Variants in TCP11 observed in about 807,000 individuals in gnomAD.
The protein encoded by TCP11 is t-complex 11.
TCP11 carries 34 observed loss-of-function variants against 45.0 expected under a neutral mutation model. The ratio of observed to expected loss-of-function variants is 0.76; its 90% CI spans 0.57 to 1.01. The LOEUF (loss-of-function observed/expected upper bound fraction) is 1.01, where lower values mean the gene tolerates loss of function less well. Among genes scored for constraint, TCP11 ranks in the 50% least tolerant of loss-of-function variants. The pLI is 0.00. For missense variants in TCP11, 523 were observed against 598.1 expected (o/e 0.87, Z 1.31); for synonymous variants, 227 against 227.0 (o/e 1.00, Z 0.00).
At position 35,120,365 on chromosome 6, in the gene TCP11, G is replaced by T; in HGVS notation, c.934-25C>A. The T allele has an allele frequency of 6.2e-7, 1 of 1,604,620 alleles. No homozygotes were observed. Among genetic ancestry groups the T allele is most frequent in the Non-Finnish European group, 8.5e-7 (1 of 1,173,942 alleles). ...TCTGGGAACCAGGGAAGAACAGGCT[G>T]TCAGGGGAAGTCCCGATGGAAGCCC... On this transcript the variant is annotated intron_variant, in intron 7 of 9. Transcript: ENST00000311875. This position sits in a 1 kb window ranked among gnomAD's most constrained non-coding sequence, Gnocchi z 4.9.
intron 4 of TCP11, 138 bp downstream of exon 4, chr6:35,128,924 T>C: frequency 8.8e-7 from 1 of 1,130,138 alleles, no homozygotes; most frequent in Non-Finnish European, 1.2e-6. Flanking sequence ...CCTGCTAAAA[T>C]TACTGTATGA....
chr6:35,141,036 G>A lies in TCP11; in HGVS notation c.-14-152C>T, dbSNP rs566275545. ...AAGGGGCAAAGGAGCGTGGAGGAGC[G>A]GAAGTCGAGAGTGGGACAGAAGTGG... On this transcript the variant is annotated intron_variant, in intron 1 of 9. Coordinates refer to ENST00000311875, the MANE Select transcript of TCP11 (RefSeq NM_001370687.1). 9.3e-5 allele frequency: 115 copies of A among 1,235,660 alleles called. 2 individuals are homozygous for A. The South Asian group carries it at 1.6e-3, about 18-fold the overall frequency. 76.5% of individuals were successfully genotyped at this position (1,235,660 alleles called of 1,614,324 possible).
Position 35,120,463 on chromosome 6 carries a change from A to G in TCP11, c.899T>C (p.Leu300Pro). 6.2e-7 allele frequency: 1 copy of G among 1,602,452 alleles called. No individual in the cohort carries two copies. Among genetic ancestry groups the G allele is most frequent in the Non-Finnish European group, 8.5e-7 (1 of 1,174,242 alleles). Residue 300 changes from leucine (L) to proline (P), a missense_variant, in exon 7 of 10, where the codon CTT becomes CCT. By Grantham distance (98) the Leu-to-Pro change is moderately conservative (BLOSUM62 -3). This residue lies in a region of TCP11 where 298 missense variants were observed against 387.9 expected (regional missense o/e 0.77). Coordinates refer to ENST00000311875, the MANE Select transcript of TCP11 (RefSeq NM_001370687.1). This position sits in a 1 kb window ranked among gnomAD's most constrained non-coding sequence, Gnocchi z 4.9. ...CTCTTCATTTTCAAGGTCCCAGAGA[A>G]GGAGGTTCAAGAAGCCCTGACACAG... The part of the protein sequence containing the change: ...MVLCQGFLNL[L>P]LWDLENEEFP...
chr6:35,127,724 G>A (rs1779990194), intron 4 of TCP11, among the ~76,000 whole-genome samples: 1 of 152,174 alleles, frequency 6.6e-6, no homozygotes, highest in Non-Finnish European at 1.5e-5. Context: ...TTGAGGAGCG[G>A]CCAGTGATGG....
intron 2 of TCP11, among the ~76,000 whole-genome samples, chr6:35,138,651 A>G (rs1417797590): frequency 6.6e-6 from 1 of 152,212 alleles, no homozygotes; most frequent in African/African-American, 2.4e-5. Context: ...CAAAAAATAG[A>G]ATGAATAAGA....
Position 35,119,390 on chromosome 6 carries a change from G to A in TCP11, c.1117C>T (p.Pro373Ser). 6.2e-7 allele frequency: 1 copy of A among 1,613,608 alleles called. No individual in the cohort carries two copies. The highest frequency in any genetic ancestry group is 2.2e-5 in the East Asian group (1 of 44,882). The change falls in exon 9 of 10, where the codon CCT (proline) becomes TCT (serine). Residue 373 changes from proline (P) to serine (S), a missense_variant and splice_region_variant. Coordinates refer to ENST00000311875, the MANE Select transcript of TCP11 (RefSeq NM_001370687.1). ...CTCACAGTCAGTATAGCTTCCTCAG[G>A]CCTAGACCATGAAAGAAAGTAAGCT... is the stretch of plus-strand genomic sequence containing the variant. ...KSLLEDFHSR[P>S]EEAILTVSEQ...
chr6:35,129,025 C>T (rs753122369), intron 4 of TCP11, 37 bp downstream of exon 4: 1 of 1,607,978 alleles, frequency 6.2e-7, no homozygotes, highest in South Asian at 1.1e-5. Flanking sequence ...CTGGAGATGT[C>T]TAGAAACTTT....
chr6:35,139,197 T>A, intron 2 of TCP11, among the ~76,000 whole-genome samples: 1 of 143,472 alleles, frequency 7.0e-6, no homozygotes, highest in Non-Finnish European at 1.5e-5. Flanking sequence ...AAACAGCTAG[T>A]TTATAAAAAA....
At chr6:35,119,185 A>C (rs776450206) in intron 9 of TCP11, 43 bp downstream of exon 9, 2 of 1,608,666 alleles carry the variant, frequency 1.2e-6, no homozygotes, top group Admixed American at 3.3e-5. Flanking sequence ...GTTGGGATCT[A>C]TCTCTTCCCT....
At chr6:35,126,276 T>A (rs557389276) in intron 4 of TCP11, among the ~76,000 whole-genome samples, 1 of 152,240 alleles carries the variant, frequency 6.6e-6, no homozygotes, top group African/African-American at 2.4e-5. Flanking sequence ...TCTAACAGTT[T>A]AGAGAGGGCG....
At chr6:35,121,122 TAG>T in intron 5 of TCP11, 77 bp from the exon 6 acceptor site, 1 of 1,475,812 alleles carries the variant, frequency 6.8e-7, no homozygotes, top group Non-Finnish European at 9.1e-7. Flanking sequence ...CACTGTATTT[TAG>T]AGTTAGGAGG....
Position 35,141,270 on chromosome 6 carries a change from TGG to T in TCP11, c.-82_-81del, listed in dbSNP as rs1207833098. Reference sequence around the variant, plus strand: ...CGGTGGGCCTCGCGGCCTGGCGGCCTGGAGCGTACCACCGCGGCGGAGCGGCG... The same window carrying T: ...CGGTGGGCCTCGCGGCCTGGCGGCCTAGCGTACCACCGCGGCGGAGCGGCG... On this transcript the variant is annotated 5_prime_UTR_variant, in exon 1 of 10. Coordinates refer to ENST00000311875, the MANE Select transcript of TCP11 (RefSeq NM_001370687.1). The T allele has an allele frequency of 1.0e-6, 1 of 994,460 alleles. No individual in the cohort carries two copies. The highest frequency in any genetic ancestry group is 1.3e-6 in the Non-Finnish European group (1 of 749,288). The allele number at this position is 994,460 out of a possible 1,614,324, so 61.6% of individuals were successfully genotyped here.
rs757908827 is a variant in TCP11 at position 35,122,304 on chromosome 6, G to T, written c.391C>A (p.Arg131Ser). 7.4e-6 allele frequency: 12 copies of T among 1,614,110 alleles called. No homozygotes were observed. Among genetic ancestry groups the T allele is most frequent in the Non-Finnish European group, 1.0e-5 (12 of 1,180,030 alleles). Reference protein sequence around the residue: ...LLSLLLPRQNRLRIEIEEALD... With the variant: ...LLSLLLPRQNSLRIEIEEALD... Reference sequence around the variant, plus strand: ...GCTTCTTCAATCTCAATTCTCAGGCGGTTCTGGCGTGGTAATAGCAGTGAT... The same window carrying T: ...GCTTCTTCAATCTCAATTCTCAGGCTGTTCTGGCGTGGTAATAGCAGTGAT... The change falls in exon 5 of 10, where the codon CGC becomes AGC. Residue 131 changes from arginine to serine, a missense_variant. Physicochemically the swap from Arg to Ser is moderately radical, Grantham distance 110. Coordinates refer to ENST00000311875, the MANE Select transcript of TCP11 (RefSeq NM_001370687.1).
rs545517239 is a variant in TCP11 at position 35,125,962 on chromosome 6, T to C, written c.357+3100A>G. Among the ~76,000 whole-genome samples the C allele has an allele frequency of 5.9e-5, 9 of 152,244 alleles. No homozygotes were observed. In the South Asian group the frequency reaches 1.9e-3, roughly 32 times the overall value. On this transcript the variant is annotated intron_variant, in intron 4 of 9. Transcript: ENST00000311875. ...TAAGTACCTAGAGTAGTCAAATTCA[T>C]AGAGACAGAAAGTACAGGTGCTAGT... is the stretch of plus-strand genomic sequence containing the variant.
At position 35,120,286 on chromosome 6, in the gene TCP11, A is replaced by T; in HGVS notation, c.988T>A (p.Leu330Ile). The T allele has an allele frequency of 6.2e-7, 1 of 1,614,252 alleles. No homozygotes were observed. Among genetic ancestry groups the T allele is most frequent in the Non-Finnish European group, 8.5e-7 (1 of 1,180,036 alleles). The change falls in exon 8 of 10, where the codon TTA becomes ATA. Residue 330 changes from leucine (L) to isoleucine (I), a missense_variant. By Grantham distance (5) the Leu-to-Ile change is conservative. This residue lies in a region of TCP11 where 298 missense variants were observed against 387.9 expected (regional missense o/e 0.77). Transcript: ENST00000311875. The surrounding 1 kb of genome is among the most constrained non-coding windows in gnomAD (Gnocchi z 4.9). The stretch of plus-strand genomic sequence containing the variant: ...AGCAAGACTGAGGCCATGACGGTTA[A>T]CTGGTGCAACTGGGACTTCAGCTCC... ...LQELKSQLHQ[L>I]TVMASVLLVA...
rs368275334 is a variant in TCP11 at position 35,129,101 on chromosome 6, G to A, written c.318C>T (p.Asp106=). 4 of 1,614,038 alleles carry A rather than the reference G, an allele frequency of 2.5e-6. No individual in the cohort carries two copies. Among genetic ancestry groups the A allele is most frequent in the Middle Eastern group, 1.6e-4 (1 of 6,084 alleles). ...LKEQLSATPP[D]FSCALELLKE... is the part of the protein sequence containing the mutation. Reference sequence around the variant, plus strand: ...TCAGAAGTTCAAGAGCACAGCTGAAGTCAGGGGGAGTTGCTGATAGTTGCT... The same window carrying A: ...TCAGAAGTTCAAGAGCACAGCTGAAATCAGGGGGAGTTGCTGATAGTTGCT... Residue 106 remains aspartate, a synonymous_variant, in exon 4 of 10, where the codon GAC becomes GAT. Coordinates refer to ENST00000311875, the MANE Select transcript of TCP11 (RefSeq NM_001370687.1).
At chr6:35,126,812 C>A (rs574441428) in intron 4 of TCP11, among the ~76,000 whole-genome samples, 1 of 151,870 alleles carries the variant, frequency 6.6e-6, no homozygotes, top group Non-Finnish European at 1.5e-5. Context: ...GCATGTACCA[C>A]CACACCCAGT....
intron 3 of TCP11, among the ~76,000 whole-genome samples, chr6:35,134,713 T>G (rs904873184): frequency 6.6e-6 from 1 of 152,250 alleles, no homozygotes; most frequent in Non-Finnish European, 1.5e-5. Context: ...ATTTTTTATT[T>G]TTCTAATATT....
Position 35,118,520 on chromosome 6 carries a change from A to G in TCP11, c.1280-19T>C. 6.2e-7 allele frequency: 1 copy of G among 1,607,464 alleles called. No individual in the cohort carries two copies. Among genetic ancestry groups the G allele is most frequent in the Non-Finnish European group, 8.5e-7 (1 of 1,175,924 alleles). The stretch of plus-strand genomic sequence containing the variant: ...CGCTGATCTGTGAGCAGGAAAAGAC[A>G]CTGATAAGGGAAAAGGCAAACAGAT... On this transcript the variant is annotated intron_variant, in intron 9 of 9. Coordinates refer to ENST00000311875, the MANE Select transcript of TCP11 (RefSeq NM_001370687.1).
Sources: allele counts gnomAD v4.1 joint callset (sites outside exome capture counted in the v4.1 genomes callset), GRCh38; gene constraint gnomAD v4.1.1; regional missense constraint gnomAD v4.1.1; non-coding constraint Gnocchi (gnomAD v3.1); transcripts MANE v1.5; gene names NCBI Gene and HGNC (gene_info 2026-07-23, HGNC 2026-07-21).